Variants in KIRREL1 observed in about 807,000 individuals in gnomAD.
The protein encoded by KIRREL1 is kirre like nephrin family adhesion molecule 1.
In KIRREL1, 25 loss-of-function variants were observed where a neutral mutation model predicts 83.3. The ratio of observed to expected loss-of-function variants is 0.30; its 90% CI spans 0.22 to 0.42. The LOEUF (loss-of-function observed/expected upper bound fraction) is 0.42, where lower values mean the gene tolerates loss of function less well. Among genes scored for constraint, KIRREL1 ranks in the 10% least tolerant of loss-of-function variants. KIRREL1 has a pLI of 1.00. For missense variants in KIRREL1, 812 were observed against 1,032.3 expected, an observed-to-expected ratio of 0.79 and a Z score of 2.92; for synonymous variants, 388 against 410.4, an observed-to-expected ratio of 0.95 and a Z score of 0.66.
chr1:158,071,178 G>A (rs541117854), intron 1 of KIRREL1, among the ~76,000 whole-genome samples: 97 of 152,078 alleles, frequency 6.4e-4, no homozygotes, highest in African/African-American at 2.1e-3. Flanking sequence ...GATTTCTGTC[G>A]GCCCGGCCTG....
intron 1 of KIRREL1, among the ~76,000 whole-genome samples, chr1:158,046,991 A>G (rs1446686845): frequency 6.6e-6 from 1 of 152,184 alleles, no homozygotes; most frequent in African/African-American, 2.4e-5. Context: ...TGGAAACAAC[A>G]GGTTAAGAAA....
At chr1:158,004,611 T>C (rs1659463670) in intron 1 of KIRREL1, among the ~76,000 whole-genome samples, 1 of 152,162 alleles carries the variant, frequency 6.6e-6, no homozygotes, top group South Asian at 2.1e-4. Context: ...GGAAAAGCAC[T>C]CTCAGGACGG....
In KIRREL1 at chr1:158,094,901, G is replaced by A; in HGVS notation, c.2055G>A (p.Glu685=). 9.3e-6 allele frequency: 15 copies of A among 1,614,054 alleles called. No homozygotes were observed. The highest frequency in any genetic ancestry group is 1.3e-5 in the Non-Finnish European group (15 of 1,180,002). The change falls in exon 15 of 15, where the codon GAG becomes GAA. Residue 685 remains glutamate (E), a synonymous_variant. Transcript: ENST00000359209. The surrounding 1 kb of genome is among the most constrained non-coding windows in gnomAD (Gnocchi z 4.6). ...ACACAACCAGCCAGCTGTCCTACGAGAACTATGAGAAGTTCAACTCCCATC... is the reference window on the plus strand; with the variant it reads ...ACACAACCAGCCAGCTGTCCTACGAAAACTATGAGAAGTTCAACTCCCATC... ...GTDTTSQLSY[E]NYEKFNSHPF...
intron 1 of KIRREL1, among the ~76,000 whole-genome samples, chr1:158,048,392 T>C (rs1660829021): frequency 6.6e-6 from 1 of 152,228 alleles, no homozygotes; most frequent in Admixed American, 6.5e-5. Context: ...TGGCCATGCT[T>C]AGCTGCTGTG....
intron 1 of KIRREL1, among the ~76,000 whole-genome samples, chr1:158,017,339 A>G (rs1028354635): frequency 6.7e-6 from 1 of 150,044 alleles, no homozygotes; most frequent in Non-Finnish European, 1.5e-5. Context: ...CCTCCTTTTT[A>G]AGATCCTTCT....
chr1:158,075,978 G>A (rs1661667585), intron 1 of KIRREL1, 135 bp from the exon 2 acceptor site: 1 of 760,268 alleles, frequency 1.3e-6, no homozygotes, highest in Non-Finnish European at 2.1e-6. Context: ...GGTTGAGGCT[G>A]AAGGGGGGCA....
chr1:158,077,139 T>C (rs1661702228), intron 2 of KIRREL1, among the ~76,000 whole-genome samples: 2 of 152,238 alleles, frequency 1.3e-5, no homozygotes, highest in South Asian at 4.1e-4. Context: ...GGATGGGCTG[T>C]ATATTTTTAT....
At chr1:158,080,928 G>GGTTAATATATTTA (rs1303376584) in intron 3 of KIRREL1, among the ~76,000 whole-genome samples, 74 of 110,144 alleles carry the variant, frequency 6.7e-4, no homozygotes, top group Admixed American at 8.8e-4. Flanking sequence ...ACTAGGCAGG[G>GGTTAATATATTTA]CAGAAATGAG....
chr1:158,030,415 T>A (rs1437935972), intron 1 of KIRREL1, among the ~76,000 whole-genome samples: 1 of 152,150 alleles, frequency 6.6e-6, no homozygotes, highest in Non-Finnish European at 1.5e-5. Flanking sequence ...ATCACCAGGG[T>A]TTTAGCTCTA....
At chr1:158,058,731 G>C (rs1288065602) in intron 1 of KIRREL1, among the ~76,000 whole-genome samples, 1 of 152,168 alleles carries the variant, frequency 6.6e-6, no homozygotes, top group Non-Finnish European at 1.5e-5. Flanking sequence ...CATCTCTTAG[G>C]TATGCACATT....
chr1:158,031,424 G>C (rs984466159), intron 1 of KIRREL1, among the ~76,000 whole-genome samples: 15 of 152,124 alleles, frequency 9.9e-5, no homozygotes, highest in Non-Finnish European at 1.9e-4. Context: ...AACTGAAACT[G>C]GCTGGGACTG....
chr1:158,076,344 C>T (rs1161053140), intron 2 of KIRREL1, 82 bp downstream of exon 2: 3 of 1,317,462 alleles, frequency 2.3e-6, no homozygotes, highest in Non-Finnish European at 3.2e-6. Context: ...CTGGACTCAC[C>T]ATCCCTTAGT....
chr1:158,018,165 G>A (rs941531495), intron 1 of KIRREL1, among the ~76,000 whole-genome samples: 1 of 152,156 alleles, frequency 6.6e-6, no homozygotes, highest in African/African-American at 2.4e-5. Flanking sequence ...GAAGAATTGG[G>A]GGGGTGGGAA....
At chr1:158,089,430 G>T (rs777559693) in intron 8 of KIRREL1, 72 bp from the exon 9 acceptor site, 7 of 1,593,700 alleles carry the variant, frequency 4.4e-6, no homozygotes, top group Non-Finnish European at 8.5e-7. Context: ...CGATGCCTCC[G>T]ATGTGGGGCC....
chr1:158,069,995 T>C (rs183891274), intron 1 of KIRREL1, among the ~76,000 whole-genome samples: 443 of 152,258 alleles, frequency 2.9e-3, no homozygotes, highest in Admixed American at 6.7e-3. Context: ...CTGTTGACAG[T>C]CGTTCCAGCC....
intron 1 of KIRREL1, among the ~76,000 whole-genome samples, chr1:158,001,448 G>A (rs1659357349): frequency 6.6e-6 from 1 of 152,206 alleles, no homozygotes; most frequent in African/African-American, 2.4e-5. Context: ...CAAAAAATAT[G>A]ACAGCAGGTG....
intron 10 of KIRREL1, 38 bp from the exon 11 acceptor site, chr1:158,091,320 G>T: frequency 4.4e-6 from 7 of 1,592,040 alleles, no homozygotes; most frequent in Non-Finnish European, 5.2e-6. Context: ...TCTGCCCCCT[G>T]CCCCTTTCTT....
intron 10 of KIRREL1, among the ~76,000 whole-genome samples, chr1:158,090,602 C>T (rs1360331134): frequency 6.6e-6 from 1 of 152,188 alleles, no homozygotes; most frequent in Non-Finnish European, 1.5e-5. Flanking sequence ...GCTCCCCCTC[C>T]CTTAGGCTCC....
chr1:158,033,870 C>CT (rs1442774047), intron 1 of KIRREL1, among the ~76,000 whole-genome samples: 2 of 152,112 alleles, frequency 1.3e-5, no homozygotes, highest in African/African-American at 4.8e-5. Context: ...ATCCCAGCTA[C>CT]TGGGGGGCTG....
Sources: allele counts gnomAD v4.1 joint callset (sites outside exome capture counted in the v4.1 genomes callset), GRCh38; gene constraint gnomAD v4.1.1; non-coding constraint Gnocchi (gnomAD v3.1); transcripts MANE v1.5; gene names NCBI Gene and HGNC (gene_info 2026-07-23, HGNC 2026-07-21).